The following HCN4 variants were observed in gnomAD, a reference collection of about 807,000 sequenced individuals.
HCN4 encodes hyperpolarization activated cyclic nucleotide gated potassium channel 4, also known as potassium/sodium hyperpolarization-activated cyclic nucleotide-gated channel 4.
A neutral mutation model predicts 76.9 loss-of-function variants in HCN4; 29 were observed. That is an observed-to-expected ratio of 0.38 (90% CI 0.28 to 0.51). The LOEUF (loss-of-function observed/expected upper bound fraction) is 0.51. HCN4 is among the 20% of genes least tolerant of loss of function. The pLI, the probability that HCN4 is intolerant of heterozygous loss-of-function variation, is 0.90. For synonymous variants in HCN4, 772 were observed against 762.5 expected (o/e 1.01, Z -0.21); for missense variants, 1,416 against 1,715.2 (o/e 0.83, Z 3.08).
Position 73,368,630 on chromosome 15 carries a change from C to T in HCN4, c.-360G>A. The T allele has an allele frequency of 6.2e-6, 1 of 161,852 alleles. No individual in the cohort carries two copies. The highest frequency in any genetic ancestry group is 1.8e-4 in the East Asian group (1 of 5,650). 10.0% of individuals were successfully genotyped at this position (161,852 alleles called of 1,614,324 possible). On this transcript the variant is annotated 5_prime_UTR_variant, in exon 1 of 8. Coordinates refer to ENST00000261917, the MANE Select transcript of HCN4 (RefSeq NM_005477.3). This position sits in a 1 kb window ranked among gnomAD's most constrained non-coding sequence, Gnocchi z 6.9. ...GGCGCCGGCCGGAGAGGCTCTGCGG[C>T]CGCGGCGCTCAGGGAACCGCTCCGG...
rs116303716 is a variant in HCN4 at position 73,338,698 on chromosome 15, C to A, written c.1209+4687G>T. 2.4e-3 allele frequency among the ~76,000 whole-genome samples: 369 copies of A among 152,306 alleles called. 2 individuals are homozygous for A. The highest frequency in any genetic ancestry group is 8.2e-3 in the African/African-American group (340 of 41,560). On this transcript the variant is annotated intron_variant, in intron 2 of 7. Transcript: ENST00000261917. ...TTTCCACCAAGGCCTCTTCCTGGGG[C>A]CTGATTGAATCCTCTCCTGTGGATT... is the stretch of plus-strand genomic sequence containing the variant.
rs1342324746 is a variant in HCN4, at chr15:73,368,358, C to G, written c.-88G>C. ...AGGTCCGCCCGCCGGTCAGTCCGCCCGTGGGGACGCGTCCTTTGCCGCCGG... is the reference window on the plus strand; with the variant it reads ...AGGTCCGCCCGCCGGTCAGTCCGCCGGTGGGGACGCGTCCTTTGCCGCCGG... On this transcript the variant is annotated 5_prime_UTR_variant, in exon 1 of 8. Coordinates refer to ENST00000261917, the MANE Select transcript of HCN4 (RefSeq NM_005477.3). This position sits in a 1 kb window ranked among gnomAD's most constrained non-coding sequence, Gnocchi z 6.9. The G allele has an allele frequency of 1.1e-6, 1 of 935,210 alleles. No homozygotes were observed. Among genetic ancestry groups the G allele is most frequent in the Non-Finnish European group, 1.4e-6 (1 of 697,888 alleles). The allele number at this position is 935,210 out of a possible 1,614,324, so 57.9% of individuals were successfully genotyped here.
chr15:73,348,390 G>A (rs1357527016), intron 1 of HCN4, among the ~76,000 whole-genome samples: 2 of 152,186 alleles, frequency 1.3e-5, no homozygotes, highest in Non-Finnish European at 1.5e-5. Flanking sequence ...GCACAGACAC[G>A]AACATGCGTG....
intron 1 of HCN4, among the ~76,000 whole-genome samples, chr15:73,345,257 T>G (rs1388840964): frequency 6.6e-6 from 1 of 152,090 alleles, no homozygotes; most frequent in Non-Finnish European, 1.5e-5. Flanking sequence ...TTGCTGAAGG[T>G]GGGTGAGATG....
Position 73,323,446 on chromosome 15 carries a change from G to T in HCN4, c.2647C>A (p.Pro883Thr), listed in dbSNP as rs780235330. Residue 883 changes from proline (P) to threonine (T), a missense_variant, in exon 8 of 8, where the codon CCC (proline) becomes ACC (threonine). Pro to Thr is a conservative substitution (Grantham distance 38, BLOSUM62 -1). Coordinates refer to ENST00000261917, the MANE Select transcript of HCN4 (RefSeq NM_005477.3). ...GAGGGGGAGCCACAGGCCCCGGGGG[G>T]TGGGGAGGAGCTGGATGAGGGCAGG... ...PLLPSSSSSP[P>T]PGACGSPSAP... 15 of 1,609,012 alleles carry T rather than the reference G, an allele frequency of 9.3e-6. No individual in the cohort carries two copies. The highest frequency in any genetic ancestry group is 5.3e-5 in the African/African-American group (4 of 74,896).
chr15:73,333,705 G>A (rs2042946656), intron 2 of HCN4, among the ~76,000 whole-genome samples: 1 of 152,174 alleles, frequency 6.6e-6, no homozygotes, highest in Admixed American at 6.5e-5. Flanking sequence ...GCTTAAGCTT[G>A]CCCCATCATT....
intron 1 of HCN4, among the ~76,000 whole-genome samples, chr15:73,347,166 A>G (rs1038343464): frequency 1.9e-4 from 29 of 152,230 alleles, no homozygotes; most frequent in African/African-American, 6.5e-4. Context: ...TTTTCCATGC[A>G]TTACTTCATT....
chr15:73,332,334 G>T (rs961799817), intron 2 of HCN4, 42 bp from the exon 3 acceptor site: 1 of 1,601,044 alleles, frequency 6.2e-7, no homozygotes, highest in Non-Finnish European at 8.6e-7. Context: ...TAGGTGAGTG[G>T]CCAGGAGGGC....
chr15:73,350,966 C>CT (rs1202748047), intron 1 of HCN4, among the ~76,000 whole-genome samples: 1 of 152,194 alleles, frequency 6.6e-6, no homozygotes, highest in Non-Finnish European at 1.5e-5. Flanking sequence ...CTCCACTCCA[C>CT]TTGATCTTAG....
Position 73,322,789 on chromosome 15 carries a change from G to A in HCN4, c.3304C>T (p.Arg1102Cys), listed in dbSNP as rs760392343. ...ALPQDGAQTLRRASPHSSGES... is the reference protein window; with the variant it reads ...ALPQDGAQTLCRASPHSSGES... ...CCTGAGGAGTGCGGGGAGGCTCTGC[G>A]GAGAGTCTGCGCCCCGTCCTGAGGC... Residue 1102 changes from arginine (R) to cysteine (C), a missense_variant, in exon 8 of 8, where the codon CGC (arginine) becomes TGC (cysteine). By Grantham distance (180) the Arg-to-Cys change is radical. Coordinates refer to ENST00000261917, the MANE Select transcript of HCN4 (RefSeq NM_005477.3). The A allele has an allele frequency of 3.0e-5, 46 of 1,553,078 alleles. No homozygotes were observed. The highest frequency in any genetic ancestry group is 1.1e-4 in the African/African-American group (8 of 74,098).
Position 73,322,438 on chromosome 15 carries a change from A to G in HCN4, c.*43T>C. The G allele has an allele frequency of 2.8e-6, 4 of 1,438,606 alleles. No homozygotes were observed. The highest frequency in any genetic ancestry group is 1.2e-5 in the South Asian group (1 of 81,958). 89.1% of individuals were successfully genotyped at this position (1,438,606 alleles called of 1,614,324 possible). On this transcript the variant is annotated 3_prime_UTR_variant, in exon 8 of 8. Transcript: ENST00000261917. Reference sequence around the variant, plus strand: ...CACAGTTAAACCTGAAGGAAGAAGGAAGGGAGAGAAAAGAAGAAAGAAGAG... The same window carrying G: ...CACAGTTAAACCTGAAGGAAGAAGGGAGGGAGAGAAAAGAAGAAAGAAGAG...
chr15:73,334,114 G>A (rs1462242661), intron 2 of HCN4, among the ~76,000 whole-genome samples: 1 of 152,144 alleles, frequency 6.6e-6, no homozygotes, highest in African/African-American at 2.4e-5. Context: ...CCCAGCCCCT[G>A]CACACAGTGT....
chr15:73,331,565 G>A lies in HCN4; in HGVS notation c.1371+566C>T, dbSNP rs577858831. On this transcript the variant is annotated intron_variant, in intron 3 of 7. Transcript: ENST00000261917. ...GCTCAAGGGATCCCCCTGTACAGCC[G>A]GGACACATGTGCTTGCCACCACACC... Among the ~76,000 whole-genome samples, 21 of 152,170 alleles carry A rather than the reference G, an allele frequency of 1.4e-4. No homozygotes were observed. The South Asian group carries it at 3.5e-3, about 26-fold the overall frequency.
chr15:73,355,310 T>G (rs1331856107), intron 1 of HCN4, among the ~76,000 whole-genome samples: 1 of 152,210 alleles, frequency 6.6e-6, no homozygotes, highest in Non-Finnish European at 1.5e-5. Context: ...TCACTGTCTC[T>G]TCCTCAGTTT....
At chr15:73,332,696 A>G (rs971344928) in intron 2 of HCN4, among the ~76,000 whole-genome samples, 1 of 152,196 alleles carries the variant, frequency 6.6e-6, no homozygotes. Context: ...CCAAAAGTCT[A>G]CAGACATGCC....
At chr15:73,335,006 T>A (rs1245288432) in intron 2 of HCN4, among the ~76,000 whole-genome samples, 1 of 151,982 alleles carries the variant, frequency 6.6e-6, no homozygotes, top group Non-Finnish European at 1.5e-5. Context: ...GACGATCTCT[T>A]TGTCCTGTGA....
At chr15:73,329,549 CG>C in intron 4 of HCN4, 23 bp downstream of exon 4, 1 of 1,608,732 alleles carries the variant, frequency 6.2e-7, no homozygotes, top group Non-Finnish European at 8.5e-7. Flanking sequence ...GACCAATGTG[CG>C]GGTGCTCCCT....
rs998732998 is a variant in HCN4, at chr15:73,367,716, G to A, written c.555C>T (p.Asp185=). 7.5e-6 allele frequency: 12 copies of A among 1,596,726 alleles called. No individual in the cohort carries two copies. The highest frequency in any genetic ancestry group is 5.5e-5 in the South Asian group (5 of 90,828). ...ASASCEQPSV[D]TAIKVEGGAA... Reference sequence around the variant, plus strand: ...CGCCTCCCTCCACTTTGATAGCGGTGTCCACCGAGGGCTGCTCGCAGGAGG... The same window carrying A: ...CGCCTCCCTCCACTTTGATAGCGGTATCCACCGAGGGCTGCTCGCAGGAGG... Residue 185 remains aspartate (D), a synonymous_variant, in exon 1 of 8, where the codon GAC becomes GAT. Transcript: ENST00000261917. The surrounding 1 kb of genome is among the most constrained non-coding windows in gnomAD (Gnocchi z 7.5).
At chr15:73,326,781 A>AT (rs1273983377) in intron 4 of HCN4, among the ~76,000 whole-genome samples, 5 of 149,934 alleles carry the variant, frequency 3.3e-5, no homozygotes, top group South Asian at 2.1e-4. Flanking sequence ...TTATTTATTT[A>AT]TTTATTTATT....
Sources: allele counts gnomAD v4.1 joint callset (sites outside exome capture counted in the v4.1 genomes callset), GRCh38; gene constraint gnomAD v4.1.1; non-coding constraint Gnocchi (gnomAD v3.1); transcripts MANE v1.5; gene names NCBI Gene and HGNC (gene_info 2026-07-23, HGNC 2026-07-21).